The following AAK1 variants were observed in gnomAD, a reference collection of about 807,000 sequenced individuals.
AAK1 encodes AP2 associated kinase 1, also known as AP2-associated protein kinase 1.
Under a neutral mutation model 116.0 loss-of-function variants are expected in AAK1, and 37 were observed. The observed-to-expected ratio is 0.32, with a 90% CI of 0.25 to 0.42. The LOEUF is 0.42. Among genes scored for constraint, AAK1 ranks in the 10% least tolerant of loss-of-function variants. The pLI is 1.00. For synonymous variants in AAK1, 458 were observed against 439.9 expected, an observed-to-expected ratio of 1.04 and a Z score of -0.51; for missense variants, 919 against 1,170.6, an observed-to-expected ratio of 0.79 and a Z score of 3.14.
chr2:69,476,018 T>C (rs1674844334), intron 21 of AAK1, 55 bp from the exon 22 acceptor site: 1 of 1,540,020 alleles, frequency 6.5e-7, no homozygotes, highest in Non-Finnish European at 8.8e-7. Flanking sequence ...AAGGTTTAGA[T>C]GTGCAGAGCA....
intron 2 of AAK1, among the ~76,000 whole-genome samples, chr2:69,625,559 G>T (rs1674858916): frequency 6.6e-6 from 1 of 152,168 alleles, no homozygotes. Context: ...GAGCCTGGTG[G>T]ACGGAACTGG....
Position 69,530,086 on chromosome 2 carries a change from T to C in AAK1, c.793A>G (p.Ser265Gly). ...LCYFTLPFGE[S>G]QVAICDGNFT... ...TTTCCATCACAAATTGCCACCTGAC[T>C]TTCCCCAAATGGCAAAGTGAAGTAG... Residue 265 changes from serine to glycine, a missense_variant, in exon 8 of 22, where the codon AGT becomes GGT. Ser to Gly is a moderately conservative substitution (Grantham distance 56). Transcript: ENST00000409085. 1 of 1,611,136 alleles carries C rather than the reference T, an allele frequency of 6.2e-7. No homozygotes were observed. Among genetic ancestry groups the C allele is most frequent in the Non-Finnish European group, 8.5e-7 (1 of 1,178,860 alleles).
chr2:69,589,407 A>C (rs1046881349), intron 2 of AAK1, among the ~76,000 whole-genome samples: 4 of 152,110 alleles, frequency 2.6e-5, no homozygotes, highest in African/African-American at 9.7e-5. Context: ...TGTAACTCAA[A>C]GAAAGTAAAG....
At chr2:69,596,770 C>A (rs75936116) in intron 2 of AAK1, among the ~76,000 whole-genome samples, 4,314 of 152,200 alleles carry the variant, frequency 0.028, 212 homozygotes, top group African/African-American at 0.098. Context: ...GGAGAAGGAG[C>A]CTGGTGGAGC....
At chr2:69,500,518 T>C (rs1299656683) in intron 16 of AAK1, among the ~76,000 whole-genome samples, 1 of 151,846 alleles carries the variant, frequency 6.6e-6, no homozygotes, top group Non-Finnish European at 1.5e-5. Context: ...CAGGTGGTCT[T>C]TGTGAGGATC....
In AAK1 at chr2:69,473,135, G is replaced by T; in HGVS notation, c.*2734C>A. 1.2e-6 allele frequency: 1 copy of T among 819,876 alleles called. No individual in the cohort carries two copies. The highest frequency in any genetic ancestry group is 1.5e-6 in the Non-Finnish European group (1 of 678,926). 50.8% of individuals were successfully genotyped at this position (819,876 alleles called of 1,614,324 possible). A position where few individuals can be genotyped will look rare whatever the true frequency, so the allele number is the denominator to read the frequency against. On this transcript the variant is annotated 3_prime_UTR_variant, in exon 22 of 22. Coordinates refer to ENST00000409085, the MANE Select transcript of AAK1 (RefSeq NM_014911.5). ...ACTCTAAGGAACAGCAACTCTGAGA[G>T]GTGAAGTGCCTGCTGAAGGTCACTC...
intron 11 of AAK1, among the ~76,000 whole-genome samples, chr2:69,520,576 C>A (rs185314678): frequency 6.6e-6 from 1 of 152,146 alleles, no homozygotes; most frequent in African/African-American, 2.4e-5. Flanking sequence ...GTTGGCCAGG[C>A]TGGTCTCGAA....
At chr2:69,624,980 T>A (rs565568050) in intron 2 of AAK1, among the ~76,000 whole-genome samples, 1 of 152,202 alleles carries the variant, frequency 6.6e-6, no homozygotes, top group African/African-American at 2.4e-5. Context: ...TCCCTGAGCA[T>A]TGCTACTCAA....
chr2:69,499,122 G>C (rs1209138441), intron 16 of AAK1, among the ~76,000 whole-genome samples: 1 of 152,106 alleles, frequency 6.6e-6, no homozygotes, highest in African/African-American at 2.4e-5. Context: ...TCAGGACTGT[G>C]AGTATCTGCC....
intron 2 of AAK1, among the ~76,000 whole-genome samples, chr2:69,569,062 T>C (rs1206652877): frequency 1.3e-5 from 2 of 152,178 alleles, no homozygotes; most frequent in African/African-American, 4.8e-5. Flanking sequence ...CTTTTCTTAC[T>C]GAAAAACTAA....
intron 2 of AAK1, chr2:69,598,673 C>A (rs1673417648): frequency 1.2e-5 from 2 of 161,534 alleles, no homozygotes; most frequent in Non-Finnish European, 2.7e-5. Context: ...GTGCACAACA[C>A]CACACCCAGA....
intron 2 of AAK1, among the ~76,000 whole-genome samples, chr2:69,637,772 T>A (rs1215465523): frequency 3.3e-5 from 5 of 152,160 alleles, no homozygotes; most frequent in African/African-American, 1.2e-4. Flanking sequence ...AGTAATATTT[T>A]TTGTGTGTTT....
Position 69,509,240 on chromosome 2 carries a change from T to C in AAK1, c.1997A>G (p.Asn666Ser). The C allele has an allele frequency of 6.2e-7, 1 of 1,613,998 alleles. No homozygotes were observed. Among genetic ancestry groups the C allele is most frequent in the Non-Finnish European group, 8.5e-7 (1 of 1,179,872 alleles). ...AGGAAGCACCACATACTTGGACTTA[T>C]TGAGACTGGCCTCAGCTGCAGCTGC... ...LQAAAAEASL[N>S]KSKSATTTPS... The change falls in exon 14 of 22, where the codon AAT becomes AGT. Residue 666 changes from asparagine (N) to serine (S), a missense_variant. Coordinates refer to ENST00000409085, the MANE Select transcript of AAK1 (RefSeq NM_014911.5).
chr2:69,633,118 G>A (rs188129147), intron 2 of AAK1, among the ~76,000 whole-genome samples: 30 of 150,736 alleles, frequency 2.0e-4, no homozygotes, highest in African/African-American at 6.8e-4. Flanking sequence ...CTACTCAGCC[G>A]ACAGGCAGGA....
At chr2:69,614,830 CAAA>C (rs1238000355) in intron 2 of AAK1, among the ~76,000 whole-genome samples, 1 of 152,064 alleles carries the variant, frequency 6.6e-6, no homozygotes, top group Non-Finnish European at 1.5e-5. Context: ...GAAGGTCATG[CAAA>C]AACTGAGACA....
At chr2:69,482,395 G>T in intron 18 of AAK1, 1 of 557,150 alleles carries the variant, frequency 1.8e-6, no homozygotes, top group Non-Finnish European at 3.2e-6. Context: ...ATTTCATTAA[G>T]TTCAGTAAAG....
At chr2:69,602,449 T>C (rs1281017050) in intron 2 of AAK1, among the ~76,000 whole-genome samples, 1 of 152,144 alleles carries the variant, frequency 6.6e-6, no homozygotes, top group Non-Finnish European at 1.5e-5. Flanking sequence ...AGGGATATTA[T>C]ATATTATGTG....
At chr2:69,517,852 G>A (rs1034539392) in intron 12 of AAK1, among the ~76,000 whole-genome samples, 6 of 152,002 alleles carry the variant, frequency 3.9e-5, no homozygotes, top group East Asian at 1.9e-4. Flanking sequence ...GCCAGCAGCC[G>A]CATAGGCTAA....
intron 2 of AAK1, among the ~76,000 whole-genome samples, chr2:69,569,781 ATTGT>A (rs2105115320): frequency 1.3e-5 from 2 of 152,234 alleles, no homozygotes; most frequent in South Asian, 4.1e-4. Flanking sequence ...ACTCATCATA[ATTGT>A]TTATGTTGTT....
Sources: allele counts gnomAD v4.1 joint callset (sites outside exome capture counted in the v4.1 genomes callset), GRCh38; gene constraint gnomAD v4.1.1; transcripts MANE v1.5; gene names NCBI Gene and HGNC (gene_info 2026-07-23, HGNC 2026-07-21).